KDR: variants seen among roughly 807,000 people sequenced by gnomAD.
KDR encodes vascular endothelial growth factor receptor 2.
In KDR, 43 loss-of-function variants were observed where a neutral mutation model predicts 160.9. The ratio of observed to expected loss-of-function variants is 0.27; its 90% CI spans 0.21 to 0.34. KDR has a LOEUF of 0.34. Ranked by LOEUF, KDR falls within the 10% of genes least tolerant of loss-of-function variation. The pLI, the probability that KDR is intolerant of heterozygous loss-of-function variation, is 1.00. For missense variants in KDR, 1,469 were observed against 1,666.4 expected (o/e 0.88, Z 2.06); for synonymous variants, 617 against 600.1 (o/e 1.03, Z -0.41).
chr4:55,102,305 A>C, intron 14 of KDR, 57 bp downstream of exon 14: 2 of 1,568,952 alleles, frequency 1.3e-6, no homozygotes, highest in South Asian at 2.2e-5. Context: ...ATGGCTTTTT[A>C]GATAACATCC....
chr4:55,113,527 T>C (rs1457794497), intron 6 of KDR, 46 bp from the exon 7 acceptor site: 1 of 1,535,590 alleles, frequency 6.5e-7, no homozygotes, highest in African/African-American at 1.4e-5. Context: ...GCATATAACA[T>C]TACCCAATAA....
intron 9 of KDR, among the ~76,000 whole-genome samples, chr4:55,108,198 CAAA>C (rs10693062): frequency 3.5e-5 from 4 of 115,208 alleles, no homozygotes; most frequent in Admixed American, 8.6e-5. Flanking sequence ...CCATCTCTAC[CAAA>C]AAAAAAAAAA....
rs1472976022 is a variant in KDR at position 55,089,400 on chromosome 4, C to T, written c.3378G>A (p.Arg1126=). The T allele has an allele frequency of 3.1e-6, 5 of 1,611,914 alleles. No individual in the cohort carries two copies. The stretch of plus-strand genomic sequence containing the variant: ...TTTCTGGTGTAGTATAATCAGGGGC[C>T]CTCATTCTAGTTCCTTCTTTCAATC... ...CRRLKEGTRM[R]APDYTTPEMY... The change falls in exon 25 of 30, where the codon AGG becomes AGA. Residue 1126 remains arginine (R), a synonymous_variant. Transcript: ENST00000263923.
intron 1 of KDR, among the ~76,000 whole-genome samples, chr4:55,124,638 G>C (rs968002417): frequency 6.6e-6 from 1 of 151,972 alleles, no homozygotes; most frequent in Non-Finnish European, 1.5e-5. Flanking sequence ...GCTCTGCAAG[G>C]AGAGCGGCGT....
intron 15 of KDR, among the ~76,000 whole-genome samples, chr4:55,101,621 C>T (rs1560518050): frequency 6.6e-6 from 1 of 152,114 alleles, no homozygotes; most frequent in Non-Finnish European, 1.5e-5. Flanking sequence ...GCCCAGCATG[C>T]ATTAGCTATT....
In KDR at chr4:55,110,780, T is replaced by A. The variant is rs76308157; in HGVS notation, c.977-12A>T. ...AACAAAAGGTTTTTCTGGAAGAAAA[T>A]AAAAAAAAAAAAAGGTCAACTTACT... On this transcript the variant is annotated splice_polypyrimidine_tract_variant and intron_variant, in intron 7 of 29. Transcript: ENST00000263923. 9.3e-3 allele frequency: 12,779 copies of A among 1,370,706 alleles called. No individual in the cohort carries two copies. Among genetic ancestry groups the A allele is most frequent in the Admixed American group, 0.03 (1,520 of 51,230 alleles). 84.9% of individuals were successfully genotyped at this position (1,370,706 alleles called of 1,614,324 possible). A position where few individuals can be genotyped will look rare whatever the true frequency, so the allele number is the denominator to read the frequency against.
chr4:55,087,254 T>C (rs1719886963), intron 27 of KDR, among the ~76,000 whole-genome samples: 1 of 152,260 alleles, frequency 6.6e-6, no homozygotes, highest in Admixed American at 6.5e-5. Context: ...CTAAGCCATT[T>C]AATTCACATT....
At position 55,098,283 on chromosome 4, in the gene KDR, T is replaced by C. The variant is rs2110017702; in HGVS notation, c.2374-11A>G. On this transcript the variant is annotated splice_polypyrimidine_tract_variant and intron_variant, in intron 16 of 29. Transcript: ENST00000263923. ...TTCCCCTCCATTGGCCTGGAAAGCA[T>C]CAATCCTTCCAGTCATAAACACACT... The C allele has an allele frequency of 1.2e-6, 2 of 1,613,664 alleles. No homozygotes were observed. Among genetic ancestry groups the C allele is most frequent in the Non-Finnish European group, 1.7e-6 (2 of 1,179,780 alleles).
At chr4:55,116,011 C>T (rs548708782) in intron 3 of KDR, among the ~76,000 whole-genome samples, 1 of 152,184 alleles carries the variant, frequency 6.6e-6, no homozygotes, top group Non-Finnish European at 1.5e-5. Flanking sequence ...GGATATGATT[C>T]TTTCTAAAAC....
rs137873945 is a variant in KDR at position 55,087,732 on chromosome 4, C to T, written c.3537G>A (p.Pro1179=). The T allele has an allele frequency of 9.9e-6, 16 of 1,613,942 alleles. No individual in the cohort carries two copies. The highest frequency in any genetic ancestry group is 2.7e-5 in the African/African-American group (2 of 74,914). ...CTTCCATGCTCAAAGTCTCTGATAT[C>T]GGAAGAACAATGTAGTCTTTGCCAT... The part of the protein sequence containing the change: ...QQDGKDYIVL[P]ISETLSMEED... Residue 1179 remains proline (P), a synonymous_variant, in exon 27 of 30, where the codon CCG becomes CCA. Coordinates refer to ENST00000263923, the MANE Select transcript of KDR (RefSeq NM_002253.4).
At chr4:55,094,107 G>A (rs1720088786) in intron 21 of KDR, among the ~76,000 whole-genome samples, 3 of 152,012 alleles carry the variant, frequency 2.0e-5, no homozygotes, top group Non-Finnish European at 4.4e-5. Flanking sequence ...TACTCGGAAG[G>A]CTGAGGCACA....
Position 55,078,714 on chromosome 4 carries a change from A to T in KDR, c.*1227T>A, listed in dbSNP as rs891616761. The T allele has an allele frequency of 8.6e-6, 2 of 232,684 alleles. No homozygotes were observed. The highest frequency in any genetic ancestry group is 4.4e-5 in the African/African-American group (2 of 45,324). 14.4% of individuals were successfully genotyped at this position (232,684 alleles called of 1,614,324 possible). On this transcript the variant is annotated 3_prime_UTR_variant, in exon 30 of 30. Transcript: ENST00000263923. ...CACTATGGTACCAAACAAAAAACAC[A>T]TTTTCTTTTTTGAAAAAAAGGACAG...
chr4:55,098,866 G>A (rs1009903752), intron 15 of KDR, 63 bp from the exon 16 acceptor site: 1 of 1,330,254 alleles, frequency 7.5e-7, no homozygotes, highest in South Asian at 1.2e-5. Flanking sequence ...TTTGTAAGAT[G>A]ACAAATTTTA....
Position 55,105,909 on chromosome 4 carries a change from T to C in KDR, c.1568A>G (p.Asn523Ser). 1.2e-6 allele frequency: 2 copies of C among 1,613,456 alleles called. No individual in the cohort carries two copies. Among genetic ancestry groups the C allele is most frequent in the Non-Finnish European group, 8.5e-7 (1 of 1,179,522 alleles). Residue 523 changes from asparagine (N) to serine (S), a missense_variant, in exon 12 of 30, where the codon AAT becomes AGT. Physicochemically the swap from Asn to Ser is conservative, Grantham distance 46. This residue lies in a region of KDR where 792 missense variants were observed against 840.9 expected (regional missense o/e 0.94). Transcript: ENST00000263923. ...TVSTLVIQAA[N>S]VSALYKCEAV... The stretch of plus-strand genomic sequence containing the variant: ...TTCACATTTGTACAAAGCTGACACA[T>C]TTGCCGCTTGGATAACAAGGGTACT...
chr4:55,098,593 A>G, intron 16 of KDR, 104 bp downstream of exon 16: 2 of 887,902 alleles, frequency 2.3e-6, no homozygotes. Context: ...AAATGTGCCC[A>G]TTGAGCCAAT....
intron 13 of KDR, among the ~76,000 whole-genome samples, chr4:55,104,284 T>G (rs1720381291): frequency 6.6e-6 from 1 of 152,130 alleles, no homozygotes; most frequent in African/African-American, 2.4e-5. Context: ...CTCCTTTCCT[T>G]CATGTTTACC....
chr4:55,099,101 C>T (rs904259921), intron 15 of KDR, among the ~76,000 whole-genome samples: 1 of 151,714 alleles, frequency 6.6e-6, no homozygotes, highest in Non-Finnish European at 1.5e-5. Flanking sequence ...TTGCAGCCTC[C>T]AATTCCTAGG....
rs1458198920 is a variant in KDR at position 55,079,139 on chromosome 4, T to A, written c.*802A>T. The A allele has an allele frequency of 4.3e-6, 1 of 233,246 alleles. No homozygotes were observed. Among genetic ancestry groups the A allele is most frequent in the Non-Finnish European group, 8.5e-6 (1 of 118,126 alleles). 14.4% of individuals were successfully genotyped at this position (233,246 alleles called of 1,614,324 possible). ...AGGGAGCCTTGAGCTGAATGTCCTT[T>A]CTTTGTGGTATTCTGAATAAAGGAT... On this transcript the variant is annotated 3_prime_UTR_variant, in exon 30 of 30. Transcript: ENST00000263923.
At chr4:55,110,596 T>C in intron 8 of KDR, 30 bp from the exon 9 acceptor site, 1 of 1,612,716 alleles carries the variant, frequency 6.2e-7, no homozygotes, top group East Asian at 2.2e-5. Context: ...GGAATTAGTA[T>C]AGTCAAAGGA....
Sources: gnomAD v4.1 joint callset for allele counts (sites outside exome capture counted in the v4.1 genomes callset) on GRCh38, gnomAD v4.1.1 for gene constraint, gnomAD v4.1.1 regional missense constraint, MANE v1.5 for transcripts, NCBI Gene and HGNC (gene_info 2026-07-23, HGNC 2026-07-21) for gene names.